Variants in PACRG observed in about 807,000 individuals in gnomAD.
PACRG encodes parkin coregulated gene protein.
A neutral mutation model predicts 29.7 loss-of-function variants in PACRG; 29 were observed. The observed-to-expected ratio is 0.98, with a 90% CI of 0.73 to 1.33. PACRG has a LOEUF of 1.33. PACRG is among the 40% of genes most tolerant of loss of function. The pLI, the probability that PACRG is intolerant of heterozygous loss-of-function variation, is 0.00. For synonymous variants in PACRG, 116 were observed against 118.7 expected (o/e 0.98, Z 0.15); for missense variants, 279 against 316.2 (o/e 0.88, Z 0.89).
chr6:162,948,511 T>C (rs999124657), intron 2 of PACRG, among the ~76,000 whole-genome samples: 1 of 152,038 alleles, frequency 6.6e-6, no homozygotes, highest in African/African-American at 2.4e-5. Context: ...CTTAAAACCA[T>C]AGGCAAAAAA....
At chr6:163,040,355 CATG>C (rs1808578381) in intron 2 of PACRG, among the ~76,000 whole-genome samples, 1 of 152,250 alleles carries the variant, frequency 6.6e-6, no homozygotes, top group African/African-American at 2.4e-5. Context: ...GCAGAGCCCT[CATG>C]GAGAATTTCT....
Position 162,815,822 on chromosome 6 carries a change from T to A in PACRG, c.291+1541T>A, listed in dbSNP as rs567430104. Among the ~76,000 whole-genome samples, 104 of 152,274 alleles carry A rather than the reference T, an allele frequency of 6.8e-4. 1 individual carries two copies. The highest frequency in any genetic ancestry group is 4.8e-3 in the South Asian group (23 of 4,814). On this transcript the variant is annotated intron_variant, in intron 2 of 4. Transcript: ENST00000366888. The stretch of plus-strand genomic sequence containing the variant: ...TCATAGATATGTACTGGCTCCAAGA[T>A]AATACAATGGAGTTTCTTCAAAACC...
Position 163,147,683 on chromosome 6 carries a change from G to A in PACRG, c.613+58275G>A, listed in dbSNP as rs371824613. 7.9e-4 allele frequency among the ~76,000 whole-genome samples: 120 copies of A among 152,246 alleles called. 1 individual carries two copies. Among genetic ancestry groups the A allele is most frequent in the African/African-American group, 2.2e-3 (93 of 41,550 alleles). On this transcript the variant is annotated intron_variant, in intron 4 of 4. Transcript: ENST00000366888. The stretch of plus-strand genomic sequence containing the variant: ...ATAGTTAGCAAATGTTCCTCAGAGG[G>A]AAATAAAAAGTATTGAGCATGTGAG...
chr6:162,921,883 T>C (rs1246755607), intron 2 of PACRG, among the ~76,000 whole-genome samples: 2 of 152,112 alleles, frequency 1.3e-5, no homozygotes, highest in South Asian at 4.1e-4. Flanking sequence ...CTTTGAAAGA[T>C]GAGGCAGAGC....
intron 4 of PACRG, among the ~76,000 whole-genome samples, chr6:163,109,371 A>G (rs1038448772): frequency 1.3e-5 from 2 of 152,204 alleles, no homozygotes; most frequent in African/African-American, 2.4e-5. Context: ...GTTGTCTATG[A>G]TAGCAAATTC....
rs1449041813 is a variant in PACRG at position 163,311,610 on chromosome 6, TTTCA to T, written c.614-3216_614-3213del. Among the ~76,000 whole-genome samples, 4 of 152,314 alleles carry T rather than the reference TTTCA, an allele frequency of 2.6e-5. No homozygotes were observed. The East Asian group carries it at 7.7e-4, about 29-fold the overall frequency. On this transcript the variant is annotated intron_variant, in intron 4 of 4. Coordinates refer to ENST00000366888, the MANE Select transcript of PACRG (RefSeq NM_001080379.2). ...GACCCCAAACCGTGCAGGGTCATTG[TTTCA>T]GCATGAAAAGTAAAGGAGGTGTTCC...
chr6:162,781,815 C>T (rs1191284435), intron 1 of PACRG, among the ~76,000 whole-genome samples: 1 of 151,172 alleles, frequency 6.6e-6, no homozygotes, highest in Non-Finnish European at 1.5e-5. Context: ...ATAAAAAATT[C>T]TTGAGTAATC....
intron 4 of PACRG, among the ~76,000 whole-genome samples, chr6:163,123,890 T>C (rs2128326161): frequency 6.6e-6 from 1 of 152,342 alleles, no homozygotes; most frequent in South Asian, 2.1e-4. Flanking sequence ...CATTCATCAG[T>C]GGACAATTGG....
Position 163,269,979 on chromosome 6 carries a change from G to C in PACRG, c.614-44848G>C, listed in dbSNP as rs868716816. Among the ~76,000 whole-genome samples, 66 of 93,734 alleles carry C rather than the reference G, an allele frequency of 7.0e-4. 4 individuals carry two copies. The highest frequency in any genetic ancestry group is 1.6e-3 in the East Asian group (5 of 3,124). The allele number at this position is 93,734 out of a possible 152,430, so 61.5% of individuals were successfully genotyped here. ...AGAAAGAAAGAAAGAAAGAAAGAAA[G>C]AAAGAAAGAAAGAAAGAAAGAAAGA... On this transcript the variant is annotated intron_variant, in intron 4 of 4. Coordinates refer to ENST00000366888, the MANE Select transcript of PACRG (RefSeq NM_001080379.2).
chr6:162,807,092 G>A (rs1786410409), intron 1 of PACRG, among the ~76,000 whole-genome samples: 1 of 152,142 alleles, frequency 6.6e-6, no homozygotes, highest in Non-Finnish European at 1.5e-5. Context: ...CTTTTCTTCT[G>A]AAGCTTCCTC....
Position 162,795,476 on chromosome 6 carries a change from G to C in PACRG, c.157-18671G>C, listed in dbSNP as rs562188703. Among the ~76,000 whole-genome samples the C allele has an allele frequency of 3.3e-5, 5 of 152,072 alleles. No homozygotes were observed. In the East Asian group the frequency reaches 9.7e-4, roughly 29 times the overall value. ...TCTAACTTTGTGATTTATTGAATAT[G>C]CAAAATTATTTGAACTATAACTAGA... On this transcript the variant is annotated intron_variant, in intron 1 of 4. Transcript: ENST00000366888.
intron 1 of PACRG, among the ~76,000 whole-genome samples, chr6:162,808,530 A>G (rs1197084759): frequency 6.6e-6 from 1 of 152,130 alleles, no homozygotes; most frequent in Admixed American, 6.5e-5. Flanking sequence ...TTCCTTCCTT[A>G]TTATTATTAG....
chr6:162,947,367 C>CATATATATAATCATATATA lies in PACRG; in HGVS notation c.292-114776_292-114775insTAATCATATATAATATATA, dbSNP rs60158969. 6.9e-4 allele frequency among the ~76,000 whole-genome samples: 29 copies of CATATATATAATCATATATA among 41,858 alleles called. 2 individuals are homozygous for CATATATATAATCATATATA. Among genetic ancestry groups the CATATATATAATCATATATA allele is most frequent in the Non-Finnish European group, 5.9e-4 (12 of 20,178 alleles). The allele number at this position is 41,858 out of a possible 152,430, so 27.5% of individuals were successfully genotyped here. A position where few individuals can be genotyped will look rare whatever the true frequency, so the allele number is the denominator to read the frequency against. ...AATGATTACATATATATAATGTAAT[C>CATATATATAATCATATATA]ATATATAATCATATATATAATCATA... On this transcript the variant is annotated intron_variant, in intron 2 of 4. Coordinates refer to ENST00000366888, the MANE Select transcript of PACRG (RefSeq NM_001080379.2).
chr6:162,813,002 A>G, intron 1 of PACRG, among the ~76,000 whole-genome samples: 1 of 152,046 alleles, frequency 6.6e-6, no homozygotes, highest in Non-Finnish European at 1.5e-5. Context: ...CCACTTCAGC[A>G]TTTAATCATT....
intron 2 of PACRG, among the ~76,000 whole-genome samples, chr6:162,814,677 T>C (rs1787176822): frequency 6.6e-6 from 1 of 152,108 alleles, no homozygotes; most frequent in Admixed American, 6.6e-5. Flanking sequence ...GAAGCTTTAA[T>C]TACCTAAATG....
intron 4 of PACRG, chr6:163,182,579 G>C (rs553753057): frequency 6.6e-5 from 10 of 152,154 alleles, no homozygotes; most frequent in African/African-American, 2.4e-4. Flanking sequence ...CATTCAGCAG[G>C]TTTCATTAGA....
Position 163,179,495 on chromosome 6 carries a change from G to A in PACRG, c.613+90087G>A, listed in dbSNP as rs910424945. On this transcript the variant is annotated intron_variant, in intron 4 of 4. Coordinates refer to ENST00000366888, the MANE Select transcript of PACRG (RefSeq NM_001080379.2). Reference sequence around the variant, plus strand: ...AAGGTGGATTGCTTCAGCCCGGGAAGGAGTTCCAGGCCAGCCTGGGCAACA... The same window carrying A: ...AAGGTGGATTGCTTCAGCCCGGGAAAGAGTTCCAGGCCAGCCTGGGCAACA... 7 of 258,044 alleles carry A rather than the reference G, an allele frequency of 2.7e-5. No homozygotes were observed. In the Admixed American group the frequency reaches 3.3e-4, roughly 12 times the overall value. 16.0% of individuals were successfully genotyped at this position (258,044 alleles called of 1,614,324 possible).
chr6:163,217,435 G>A (rs746743864), intron 4 of PACRG, among the ~76,000 whole-genome samples: 1 of 152,192 alleles, frequency 6.6e-6, no homozygotes, highest in Non-Finnish European at 1.5e-5. Flanking sequence ...TGCTCAGGAG[G>A]GGAGGAGGGG....
intron 4 of PACRG, among the ~76,000 whole-genome samples, chr6:163,103,784 A>G (rs17381249): frequency 0.082 from 12,412 of 152,280 alleles, 596 homozygotes; most frequent in Non-Finnish European, 0.097. Context: ...AACTGCCAAC[A>G]TTTAGTGAAG....
Sources: gnomAD v4.1 joint callset for allele counts (sites outside exome capture counted in the v4.1 genomes callset) on GRCh38, gnomAD v4.1.1 for gene constraint, MANE v1.5 for transcripts, NCBI Gene and HGNC (gene_info 2026-07-23, HGNC 2026-07-21) for gene names.